Variants in CYP4V2 observed in about 807,000 individuals in gnomAD.
CYP4V2 encodes the protein cytochrome P450 family 4 subfamily V member 2.
A neutral mutation model predicts 60.8 loss-of-function variants in CYP4V2; 55 were observed. The ratio of observed to expected loss-of-function variants is 0.90; its 90% CI spans 0.73 to 1.13. The LOEUF (loss-of-function observed/expected upper bound fraction) is 1.13, where lower values mean the gene tolerates loss of function less well. CYP4V2 is among the 50% of genes most tolerant of loss of function. CYP4V2 has a pLI of 0.00. For missense variants in CYP4V2, 675 were observed against 662.9 expected (o/e 1.02, Z -0.20); for synonymous variants, 239 against 236.8 (o/e 1.01, Z -0.08).
At chr4:186,207,399 A>G (rs6552965) in intron 8 of CYP4V2, among the ~76,000 whole-genome samples, 59,271 of 139,284 alleles carry the variant, frequency 0.43, 13,255 homozygotes, top group South Asian at 0.54. Flanking sequence ...GCAGCAGAGC[A>G]AGACTCTGTC....
At position 186,212,669 on chromosome 4, in the gene CYP4V2, C is replaced by G. The variant is rs1736764153; in HGVS notation, c.*2028C>G. ...GACCTTAGAACTTATCTGTTATGCT[C>G]CTGATAGCCAATAGCAGATAGAAGC... On this transcript the variant is annotated 3_prime_UTR_variant, in exon 11 of 11. Transcript: ENST00000378802. 1 of 152,200 alleles carries G rather than the reference C, an allele frequency of 6.6e-6. No homozygotes were observed. Among genetic ancestry groups the G allele is most frequent in the Non-Finnish European group, 1.5e-5 (1 of 68,058 alleles). The allele number at this position is 152,200 out of a possible 1,614,324, so 9.4% of individuals were successfully genotyped here. A position where few individuals can be genotyped will look rare whatever the true frequency, so the allele number is the denominator to read the frequency against.
rs893553972 is a variant in CYP4V2, at chr4:186,212,928, T to C, written c.*2287T>C. 2 of 152,192 alleles carry C rather than the reference T, an allele frequency of 1.3e-5. No homozygotes were observed. The highest frequency in any genetic ancestry group is 4.8e-5 in the African/African-American group (2 of 41,444). 9.4% of individuals were successfully genotyped at this position (152,192 alleles called of 1,614,324 possible). A position where few individuals can be genotyped will look rare whatever the true frequency, so the allele number is the denominator to read the frequency against. ...TACAATTGGAAATATTCCCATCAAATGGTTAATCTTATTTAGAAAATGGGC... is the reference window on the plus strand; with the variant it reads ...TACAATTGGAAATATTCCCATCAAACGGTTAATCTTATTTAGAAAATGGGC... On this transcript the variant is annotated 3_prime_UTR_variant, in exon 11 of 11. Transcript: ENST00000378802.
Position 186,191,936 on chromosome 4 carries a change from C to G in CYP4V2, c.113C>G (p.Ala38Gly). The change falls in exon 1 of 11, where the codon GCG becomes GGG. Residue 38 changes from alanine to glycine, a missense_variant. Coordinates refer to ENST00000378802, the MANE Select transcript of CYP4V2 (RefSeq NM_207352.4). ...GTCCTGAGCCTGCTGCAGAGGGTGG[C>G]GAGCTACGCGCGGAAATGGCAGCAG... ...SLVLSLLQRV[A>G]SYARKWQQMR... 2 of 1,591,196 alleles carry G rather than the reference C, an allele frequency of 1.3e-6. No homozygotes were observed. The highest frequency in any genetic ancestry group is 1.7e-6 in the Non-Finnish European group (2 of 1,172,108).
intron 8 of CYP4V2, 22 bp from the exon 9 acceptor site, chr4:186,208,843 C>G: frequency 6.2e-7 from 1 of 1,614,192 alleles, no homozygotes; most frequent in African/African-American, 1.3e-5. Context: ...TTCAGGTCAT[C>G]TTATCTACTT....
chr4:186,196,708 A>G (rs1185960107), intron 3 of CYP4V2: 1 of 530,436 alleles, frequency 1.9e-6, no homozygotes, highest in Non-Finnish European at 3.3e-6. Flanking sequence ...TTAAACATGT[A>G]TAGAACAATG....
chr4:186,209,142 A>G lies in CYP4V2; in HGVS notation c.1275A>G (p.Ala425=), dbSNP rs1237630857. 6.2e-7 allele frequency: 1 copy of G among 1,614,000 alleles called. No individual in the cohort carries two copies. The highest frequency in any genetic ancestry group is 1.1e-5 in the South Asian group (1 of 91,080). The change falls in exon 10 of 11, where the codon GCA becomes GCG. Residue 425 remains alanine, a synonymous_variant. Coordinates refer to ENST00000378802, the MANE Select transcript of CYP4V2 (RefSeq NM_207352.4). ...KGTEAVIIPY[A]LHRDPRYFPN... The stretch of plus-strand genomic sequence containing the variant: ...CTGAAGCCGTCATCATTCCCTATGC[A>G]TTGCACAGAGATCCGAGATACTTCC...
Position 186,192,146 on chromosome 4 carries a change from C to G in CYP4V2, c.214+109C>G, listed in dbSNP as rs562331817. The G allele has an allele frequency of 4.7e-5, 64 of 1,370,122 alleles. 1 individual carries two copies. The South Asian group carries it at 7.6e-4, about 16-fold the overall frequency. 84.9% of individuals were successfully genotyped at this position (1,370,122 alleles called of 1,614,324 possible). A position where few individuals can be genotyped will look rare whatever the true frequency, so the allele number is the denominator to read the frequency against. ...TGGCGCTGGCCGCAGGAGAGAGGAG[C>G]CTGTCACCCTGTGGAGAATGCACTC... On this transcript the variant is annotated intron_variant, in intron 1 of 10. Coordinates refer to ENST00000378802, the MANE Select transcript of CYP4V2 (RefSeq NM_207352.4).
intron 7 of CYP4V2, 174 bp downstream of exon 7, chr4:186,201,516 T>A (rs563971583): frequency 1.3e-6 from 1 of 752,818 alleles, no homozygotes. Flanking sequence ...CAGCTCAACT[T>A]CTTCAGAAAA....
intron 6 of CYP4V2, among the ~76,000 whole-genome samples, chr4:186,199,426 A>T (rs2126587647): frequency 6.6e-6 from 1 of 152,358 alleles, no homozygotes; most frequent in South Asian, 2.1e-4. Context: ...CCACCATACC[A>T]AATGTTGGAA....
chr4:186,195,720 A>G lies in CYP4V2; in HGVS notation c.328-283A>G, dbSNP rs1245834418. On this transcript the variant is annotated intron_variant, in intron 2 of 10. Coordinates refer to ENST00000378802, the MANE Select transcript of CYP4V2 (RefSeq NM_207352.4). The surrounding 1 kb of genome is among the most constrained non-coding windows in gnomAD (Gnocchi z 4.1). ...CCCACCTCACTGTCCCCCTCCCCAC[A>G]TTAAATAACTCCACTTGGTTCCTGG... Among the ~76,000 whole-genome samples the G allele has an allele frequency of 1.3e-5, 2 of 151,894 alleles. No homozygotes were observed. The highest frequency in any genetic ancestry group is 4.8e-5 in the African/African-American group (2 of 41,360).
chr4:186,196,119 A>G lies in CYP4V2; in HGVS notation c.413+31A>G, dbSNP rs372944636. On this transcript the variant is annotated intron_variant, in intron 3 of 10. Transcript: ENST00000378802. ...CCAGTGTACCTTTGTAAAGCTGTCT[A>G]TAGAAATGGTTACTTCTACGTGCAA... The G allele has an allele frequency of 1.2e-4, 190 of 1,565,688 alleles. 4 individuals carry two copies. The South Asian group carries it at 2.0e-3, about 16-fold the overall frequency.
rs867794492 is a variant in CYP4V2, at chr4:186,204,232, G to C, written c.988-968G>C. On this transcript the variant is annotated intron_variant, in intron 7 of 10. Transcript: ENST00000378802. The stretch of plus-strand genomic sequence containing the variant: ...AGGTGGAGGTGGAGACGTTACGCTG[G>C]CGTAAGAGGTGGCGGTGGAGACGCT... 301 of 173,204 alleles carry C rather than the reference G, an allele frequency of 1.7e-3. 1 individual carries two copies. The highest frequency in any genetic ancestry group is 6.6e-3 in the African/African-American group (261 of 39,692). The allele number at this position is 173,204 out of a possible 1,614,324, so 10.7% of individuals were successfully genotyped here.
chr4:186,194,493 T>C lies in CYP4V2; in HGVS notation c.215-7T>C. On this transcript the variant is annotated splice_region_variant and splice_polypyrimidine_tract_variant and intron_variant, in intron 1 of 10. Coordinates refer to ENST00000378802, the MANE Select transcript of CYP4V2 (RefSeq NM_207352.4). ...GATTGAATTTCAAATTTGATGTTTT[T>C]CCCCAGAATTTTTTCAGCAGATCAT... 1 of 1,612,232 alleles carries C rather than the reference T, an allele frequency of 6.2e-7. No homozygotes were observed. Among genetic ancestry groups the C allele is most frequent in the Non-Finnish European group, 8.5e-7 (1 of 1,178,232 alleles).
At position 186,205,312 on chromosome 4, in the gene CYP4V2, G is replaced by A. The variant is rs759922707; in HGVS notation, c.1090+10G>A. The A allele has an allele frequency of 1.7e-5, 28 of 1,611,756 alleles. No individual in the cohort carries two copies. Among genetic ancestry groups the A allele is most frequent in the Non-Finnish European group, 2.2e-5 (26 of 1,177,832 alleles). ...TTGGATGACGTGTTTGGTATGTTTGGCCCCTTCACTGGTTATATTGTGGTA... is the reference window on the plus strand; with the variant it reads ...TTGGATGACGTGTTTGGTATGTTTGACCCCTTCACTGGTTATATTGTGGTA... On this transcript the variant is annotated intron_variant, in intron 8 of 10. Transcript: ENST00000378802.
chr4:186,207,080 C>CTT (rs1330798628), intron 8 of CYP4V2, among the ~76,000 whole-genome samples: 1 of 151,946 alleles, frequency 6.6e-6, no homozygotes, highest in Non-Finnish European at 1.5e-5. Context: ...TTGTGCCTCA[C>CTT]TTTTTCTTCT....
At chr4:186,208,686 T>C (rs1736605571) in intron 8 of CYP4V2, among the ~76,000 whole-genome samples, 179 bp from the exon 9 acceptor site, 1 of 152,156 alleles carries the variant, frequency 6.6e-6, no homozygotes, top group South Asian at 2.1e-4. Context: ...CACATGTTCT[T>C]CTTTGATGGG....
chr4:186,210,132 G>A (rs1561439002), intron 10 of CYP4V2, among the ~76,000 whole-genome samples: 1 of 152,160 alleles, frequency 6.6e-6, no homozygotes. Context: ...AGAGTGAAAC[G>A]GGTGAATCTG....
intron 6 of CYP4V2, 51 bp downstream of exon 6, chr4:186,199,134 T>G: frequency 1.3e-6 from 2 of 1,580,890 alleles, no homozygotes; most frequent in South Asian, 1.1e-5. Context: ...ACATAAAATT[T>G]CCCTTTATAA....
At chr4:186,210,356 C>T in intron 10 of CYP4V2, 113 bp from the exon 11 acceptor site, 1 of 1,385,208 alleles carries the variant, frequency 7.2e-7, no homozygotes, top group Non-Finnish European at 1.0e-6. Context: ...TCTGGTTCTC[C>T]TTCCACCTAC....
Sources: gnomAD v4.1 joint callset for allele counts (sites outside exome capture counted in the v4.1 genomes callset) on GRCh38, gnomAD v4.1.1 for gene constraint, Gnocchi (gnomAD v3.1) non-coding constraint, MANE v1.5 for transcripts, NCBI Gene and HGNC (gene_info 2026-07-23, HGNC 2026-07-21) for gene names.